Variants in NUP214 observed in about 807,000 individuals in gnomAD.
NUP214 encodes nuclear pore complex protein Nup214.
A neutral mutation model predicts 196.2 loss-of-function variants in NUP214; 79 were observed. That is an observed-to-expected ratio of 0.40 (90% CI 0.34 to 0.49). The LOEUF (loss-of-function observed/expected upper bound fraction) is 0.49, where lower values mean the gene tolerates loss of function less well. NUP214 is among the 20% of genes least tolerant of loss of function. The pLI, the probability that NUP214 is intolerant of heterozygous loss-of-function variation, is 0.58. For synonymous variants in NUP214, 1,020 were observed against 990.5 expected (o/e 1.03, Z -0.56); for missense variants, 2,468 against 2,539.0 (o/e 0.97, Z 0.60).
intron 27 of NUP214, among the ~76,000 whole-genome samples, chr9:131,193,012 T>A (rs901699530): frequency 6.7e-6 from 1 of 148,422 alleles, no homozygotes; most frequent in South Asian, 2.1e-4. Flanking sequence ...TTAGAGAATG[T>A]AATGAAAGAT....
intron 21 of NUP214, among the ~76,000 whole-genome samples, chr9:131,169,909 C>T (rs1588144302): frequency 6.6e-6 from 1 of 152,250 alleles, no homozygotes; most frequent in South Asian, 2.1e-4. Flanking sequence ...TTCATATTAA[C>T]CTTAAAATTG....
At chr9:131,172,185 T>C (rs1274998718) in intron 21 of NUP214, among the ~76,000 whole-genome samples, 2 of 151,246 alleles carry the variant, frequency 1.3e-5, no homozygotes, top group Non-Finnish European at 3.0e-5. Flanking sequence ...GTAAAAGTGT[T>C]CCTATTTCTC....
Position 131,129,478 on chromosome 9 carries a change from G to A in NUP214, c.592+1G>A. 6.2e-7 allele frequency: 1 copy of A among 1,613,858 alleles called. No homozygotes were observed. The highest frequency in any genetic ancestry group is 8.5e-7 in the Non-Finnish European group (1 of 1,179,736). On this transcript the variant is annotated splice_donor_variant, in intron 4 of 35. Transcript: ENST00000359428. LOFTEE classifies it high-confidence loss of function. ...CCTTCCACGGTAGCAGTAACCTCTG[G>A]TGAGTAATAAAGGCTTTCACACTGT...
intron 11 of NUP214, among the ~76,000 whole-genome samples, chr9:131,143,642 G>A (rs1357632483): frequency 1.3e-5 from 2 of 151,906 alleles, no homozygotes; most frequent in East Asian, 3.9e-4. Context: ...TAGTTTCCCT[G>A]TTTATTAGTC....
Position 131,174,156 on chromosome 9 carries a change from G to A in NUP214, c.2995G>A (p.Ala999Thr), listed in dbSNP as rs778686916. 4 of 1,613,868 alleles carry A rather than the reference G, an allele frequency of 2.5e-6. No homozygotes were observed. In the Admixed American group the frequency reaches 6.7e-5, roughly 27 times the overall value. Residue 999 changes from alanine to threonine, a missense_variant, in exon 22 of 36, where the codon GCA becomes ACA. Physicochemically the swap from Ala to Thr is moderately conservative, Grantham distance 58. Around this residue, in one of 5 missense-constraint regions of NUP214, gnomAD observed 1,801 missense variants for 1,779.4 expected, o/e 1.01. Transcript: ENST00000359428. ...SVSQSLESED[A>T]RTSCKDDEAV... ...CTCCCAGTCTCTGGAGAGTGAAGAT[G>A]CACGGACGTCCTGTAAAGATGACGA...
chr9:131,202,201 A>G (rs912714414), intron 30 of NUP214, among the ~76,000 whole-genome samples: 2 of 151,652 alleles, frequency 1.3e-5, no homozygotes. Context: ...GCCTCAAACG[A>G]TCCTCCACGC....
chr9:131,197,517 A>G lies in NUP214; in HGVS notation c.4023A>G (p.Gln1341=), dbSNP rs1015846545. The change falls in exon 29 of 36, where the codon CAA becomes CAG. Residue 1341 remains glutamine, a synonymous_variant. Transcript: ENST00000359428. ...GTTTTTCAGGACTGCGGGTTGGCCA[A>G]GCAGATGATTCTACAAAACCAACCA... ...LGSFSGLRVG[Q]ADDSTKPTNK... 2.5e-6 allele frequency: 4 copies of G among 1,614,080 alleles called. No homozygotes were observed. Among genetic ancestry groups the G allele is most frequent in the Non-Finnish European group, 3.4e-6 (4 of 1,180,044 alleles).
At position 131,181,878 on chromosome 9, in the gene NUP214, A is replaced by C. The variant is rs553794417; in HGVS notation, c.3419+3468A>C. 3.3e-5 allele frequency among the ~76,000 whole-genome samples: 5 copies of C among 152,332 alleles called. No individual in the cohort carries two copies. In the East Asian group the frequency reaches 9.6e-4, roughly 29 times the overall value. On this transcript the variant is annotated intron_variant, in intron 24 of 35. Transcript: ENST00000359428. ...CTTTAGGTGTCACATGTAAGAAACC[A>C]TTGCCTAATCCAAGGTCATAAAGAT...
chr9:131,129,726 C>T (rs1299152101), intron 4 of NUP214, among the ~76,000 whole-genome samples: 1 of 152,064 alleles, frequency 6.6e-6, no homozygotes, highest in Non-Finnish European at 1.5e-5. Context: ...GCCTCGGCCA[C>T]CCAAATAGCT....
intron 14 of NUP214, 123 bp from the exon 15 acceptor site, chr9:131,150,201 C>A: frequency 1.3e-6 from 1 of 770,322 alleles, no homozygotes; most frequent in Non-Finnish European, 2.1e-6. Context: ...AATAAGGATT[C>A]GTTACAATGA....
intron 24 of NUP214, among the ~76,000 whole-genome samples, chr9:131,186,732 G>C (rs1020932165): frequency 6.6e-6 from 1 of 152,216 alleles, no homozygotes; most frequent in African/African-American, 2.4e-5. Flanking sequence ...CTGCGAATAG[G>C]GGTATACTTT....
chr9:131,130,047 G>C (rs1158886814), intron 4 of NUP214, among the ~76,000 whole-genome samples: 2 of 151,370 alleles, frequency 1.3e-5, no homozygotes, highest in African/African-American at 4.9e-5. Flanking sequence ...TTCTGGATCT[G>C]TAACGGTGGT....
chr9:131,150,272 T>G, intron 14 of NUP214, 52 bp from the exon 15 acceptor site: 1 of 1,498,206 alleles, frequency 6.7e-7, no homozygotes, highest in Non-Finnish European at 9.3e-7. Context: ...CTGATATAAT[T>G]GCTTGTAGAA....
intron 5 of NUP214, among the ~76,000 whole-genome samples, chr9:131,132,026 T>G (rs1238118389): frequency 6.6e-6 from 1 of 152,020 alleles, no homozygotes; most frequent in Non-Finnish European, 1.5e-5. Context: ...TCAGTGCTAG[T>G]GGCGTTGCTG....
Position 131,151,848 on chromosome 9 carries a change from T to G in NUP214, c.2390T>G (p.Leu797Trp). The G allele has an allele frequency of 1.2e-6, 2 of 1,613,524 alleles. No homozygotes were observed. The highest frequency in any genetic ancestry group is 1.7e-6 in the Non-Finnish European group (2 of 1,179,918). Residue 797 changes from leucine (L) to tryptophan (W), a missense_variant, in exon 17 of 36, where the codon TTG becomes TGG. By Grantham distance (61) the Leu-to-Trp change is moderately conservative (BLOSUM62 -2). Around this residue, in one of 5 missense-constraint regions of NUP214, gnomAD observed 1,801 missense variants for 1,779.4 expected, o/e 1.01. Coordinates refer to ENST00000359428, the MANE Select transcript of NUP214 (RefSeq NM_005085.4). ...ERNRDSGYLH[L>W]LYKRPLDPKS... ...AATCGTGACTCTGGTTATCTGCATT[T>G]GCTTTATAAAAGACCACTGGATCCC...
intron 21 of NUP214, chr9:131,164,410 C>T (rs757636948): frequency 1.2e-4 from 53 of 437,178 alleles, no homozygotes; most frequent in Non-Finnish European, 1.9e-4. Context: ...TTTCTGCAGT[C>T]CTCAAGTTTT....
At chr9:131,202,305 TG>T (rs887002518) in intron 30 of NUP214, among the ~76,000 whole-genome samples, 3 of 152,186 alleles carry the variant, frequency 2.0e-5, no homozygotes, top group Non-Finnish European at 4.4e-5. Flanking sequence ...GTTTGGCTTT[TG>T]GGGGGTTTGT....
intron 31 of NUP214, among the ~76,000 whole-genome samples, chr9:131,221,708 C>G (rs1454199333): frequency 6.6e-6 from 1 of 152,112 alleles, no homozygotes; most frequent in Non-Finnish European, 1.5e-5. Context: ...GCTGTGCCTC[C>G]CATTTATGCC....
chr9:131,134,127 G>A (rs149458770), intron 7 of NUP214, among the ~76,000 whole-genome samples: 116 of 152,098 alleles, frequency 7.6e-4, no homozygotes, highest in Non-Finnish European at 9.3e-4. Context: ...TAAATTTTTC[G>A]CAGAGGTAGG....
Sources: allele counts gnomAD v4.1 joint callset (sites outside exome capture counted in the v4.1 genomes callset), GRCh38; gene constraint gnomAD v4.1.1; regional missense constraint gnomAD v4.1.1; transcripts MANE v1.5; gene names NCBI Gene and HGNC (gene_info 2026-07-23, HGNC 2026-07-21).